AK5: variants seen among roughly 807,000 people sequenced by gnomAD.
The protein encoded by AK5 is adenylate kinase 5.
In AK5, 27 loss-of-function variants were observed where a neutral mutation model predicts 69.5. The ratio of observed to expected loss-of-function variants is 0.39; its 90% CI spans 0.29 to 0.54. AK5 has a LOEUF of 0.54. Among genes scored for constraint, AK5 ranks in the 20% least tolerant of loss-of-function variants. The probability of loss-of-function intolerance (pLI) is 0.71; values close to 1 mark genes in which losing one functional copy is unlikely to be tolerated. For missense variants in AK5, 531 were observed against 700.4 expected (o/e 0.76, Z 2.73); for synonymous variants, 260 against 244.4 (o/e 1.06, Z -0.60).
At chr1:77,386,689 A>G (rs1229584326) in intron 6 of AK5, among the ~76,000 whole-genome samples, 1 of 152,222 alleles carries the variant, frequency 6.6e-6, no homozygotes, top group Non-Finnish European at 1.5e-5. Flanking sequence ...TTACATATGT[A>G]TAATGTGTAG....
chr1:77,410,710 GT>G, intron 6 of AK5, among the ~76,000 whole-genome samples: 1 of 152,210 alleles, frequency 6.6e-6, no homozygotes, highest in Admixed American at 6.5e-5. Flanking sequence ...ATTTCAGTTA[GT>G]TTTTCCAAAC....
intron 5 of AK5, among the ~76,000 whole-genome samples, chr1:77,302,465 A>G (rs544380115): frequency 6.6e-6 from 1 of 152,200 alleles, no homozygotes; most frequent in East Asian, 1.9e-4. Flanking sequence ...ACGCAGATAT[A>G]TTGCATAGTG....
intron 13 of AK5, among the ~76,000 whole-genome samples, chr1:77,551,455 A>T (rs1164979523): frequency 6.6e-6 from 1 of 152,182 alleles, no homozygotes; most frequent in African/African-American, 2.4e-5. Flanking sequence ...ACTACAGTAC[A>T]TGACTCTGAC....
chr1:77,536,098 GAA>G, intron 13 of AK5, 60 bp downstream of exon 13: 1 of 1,475,894 alleles, frequency 6.8e-7, no homozygotes, highest in Non-Finnish European at 9.1e-7. Context: ...TTTTTTCCAA[GAA>G]AAGAGAAAAA....
intron 2 of AK5, among the ~76,000 whole-genome samples, chr1:77,288,398 A>C (rs1418778848): frequency 1.3e-5 from 2 of 152,210 alleles, no homozygotes; most frequent in African/African-American, 4.8e-5. Flanking sequence ...CAAAAATTGT[A>C]CAACAAAAGG....
chr1:77,469,286 GTGT>G (rs1451398465), intron 8 of AK5, among the ~76,000 whole-genome samples: 1 of 152,194 alleles, frequency 6.6e-6, no homozygotes, highest in Non-Finnish European at 1.5e-5. Context: ...ACTAATCTAA[GTGT>G]TGCTGTGAAG....
chr1:77,368,883 G>T (rs1208631002), intron 6 of AK5, among the ~76,000 whole-genome samples: 1 of 152,066 alleles, frequency 6.6e-6, no homozygotes, highest in Non-Finnish European at 1.5e-5. Context: ...ATTAAAGGTG[G>T]TTATGTATCA....
intron 10 of AK5, among the ~76,000 whole-genome samples, chr1:77,497,018 C>T (rs530631894): frequency 3.2e-4 from 48 of 152,354 alleles, no homozygotes; most frequent in African/African-American, 1.2e-3. Flanking sequence ...CTGGGGTCCC[C>T]TTCCATGCTG....
chr1:77,476,599 C>T (rs550373990), intron 8 of AK5, among the ~76,000 whole-genome samples: 1 of 152,288 alleles, frequency 6.6e-6, no homozygotes, highest in African/African-American at 2.4e-5. Flanking sequence ...CCCTGCTCAC[C>T]ATACTCCGTC....
chr1:77,475,407 GT>G (rs1459276959), intron 8 of AK5, among the ~76,000 whole-genome samples: 2 of 1,946 alleles, frequency 1.0e-3, no homozygotes, highest in Non-Finnish European at 1.4e-3. Context: ...TAATATATAT[GT>G]ATATATATAC....
At chr1:77,307,529 G>T (rs1247451318) in intron 5 of AK5, among the ~76,000 whole-genome samples, 1 of 151,930 alleles carries the variant, frequency 6.6e-6, no homozygotes, top group Non-Finnish European at 1.5e-5. Flanking sequence ...CTAAAATATT[G>T]TCTGTCCTTG....
At chr1:77,318,972 T>C (rs1660385193) in intron 5 of AK5, among the ~76,000 whole-genome samples, 1 of 152,058 alleles carries the variant, frequency 6.6e-6, no homozygotes, top group Non-Finnish European at 1.5e-5. Flanking sequence ...AAGGTGTGCA[T>C]AGGACATGAG....
At chr1:77,531,505 C>G (rs1021369611) in intron 12 of AK5, among the ~76,000 whole-genome samples, 2 of 152,160 alleles carry the variant, frequency 1.3e-5, no homozygotes, top group African/African-American at 4.8e-5. Flanking sequence ...AAAGGTTCTC[C>G]AAGTCCCCAC....
At chr1:77,500,526 C>T (rs549754269) in intron 10 of AK5, among the ~76,000 whole-genome samples, 1 of 152,252 alleles carries the variant, frequency 6.6e-6, no homozygotes, top group South Asian at 2.1e-4. Context: ...CTCCTGTAAT[C>T]CCAGCACTTT....
intron 6 of AK5, among the ~76,000 whole-genome samples, chr1:77,342,128 G>T (rs1661687774): frequency 6.6e-6 from 1 of 152,116 alleles, no homozygotes. Flanking sequence ...TTGAACTCCT[G>T]ACCTCATGAT....
intron 10 of AK5, among the ~76,000 whole-genome samples, chr1:77,502,380 A>G (rs573708676): frequency 6.6e-6 from 1 of 152,250 alleles, no homozygotes; most frequent in South Asian, 2.1e-4. Flanking sequence ...TCTTCCCTTT[A>G]AGGACCTGCC....
At chr1:77,283,412 A>G in intron 1 of AK5, 1 of 984,978 alleles carries the variant, frequency 1.0e-6, no homozygotes. Flanking sequence ...TGATATCGTA[A>G]ACTAAAGGTC....
intron 1 of AK5, 83 bp downstream of exon 1, chr1:77,282,456 C>T (rs1658114450): frequency 1.4e-6 from 2 of 1,473,434 alleles, no homozygotes; most frequent in Admixed American, 2.3e-5. Context: ...CGCCCCGTCC[C>T]ACCTTCCCCA....
chr1:77,514,516 T>G (rs896527200), intron 10 of AK5, among the ~76,000 whole-genome samples: 3 of 152,234 alleles, frequency 2.0e-5, no homozygotes, highest in Non-Finnish European at 2.9e-5. Context: ...TTTTTGTGCT[T>G]TCACTGCAGT....
Sources: allele counts gnomAD v4.1 joint callset (sites outside exome capture counted in the v4.1 genomes callset), GRCh38; gene constraint gnomAD v4.1.1; transcripts MANE v1.5; gene names NCBI Gene and HGNC (gene_info 2026-07-23, HGNC 2026-07-21).